Variants in TRMU observed in about 807,000 individuals in gnomAD.
The protein encoded by TRMU is tRNA mitochondrial 2-thiouridylase, also known as mitochondrial tRNA-specific 2-thiouridylase 1.
In TRMU, 49 loss-of-function variants were observed where a neutral mutation model predicts 46.9. That is an observed-to-expected ratio of 1.05 (90% confidence interval 0.83 to 1.33). The LOEUF (loss-of-function observed/expected upper bound fraction) is 1.33. TRMU is among the 40% of genes most tolerant of loss of function. The pLI is 0.00. For synonymous variants in TRMU, 241 were observed against 200.9 expected, an observed-to-expected ratio of 1.20 and a Z score of -1.69; for missense variants, 572 against 532.4, an observed-to-expected ratio of 1.07 and a Z score of -0.73.
chr22:46,337,246 G>C (rs1380922730), intron 1 of TRMU, among the ~76,000 whole-genome samples: 1 of 152,170 alleles, frequency 6.6e-6, no homozygotes, highest in African/African-American at 2.4e-5. Context: ...TGCTAAGGTG[G>C]TGTAGGGCTA....
rs2078050519 is a variant in TRMU, at chr22:46,338,946, CTTTG to C, written c.248+1006_248+1009del. 6.6e-6 allele frequency among the ~76,000 whole-genome samples: 1 copy of C among 152,034 alleles called. No homozygotes were observed. The highest frequency in any genetic ancestry group is 2.4e-5 in the African/African-American group (1 of 41,368). The stretch of plus-strand genomic sequence containing the variant: ...ATATGACCTTGGGCAATTTACTTGA[CTTTG>C]TTTTTTTAATTGAAAAAAATTCTCT... On this transcript the variant is annotated intron_variant, in intron 2 of 10. Coordinates refer to ENST00000645190, the MANE Select transcript of TRMU (RefSeq NM_018006.5). This position sits in a 1 kb window ranked among gnomAD's most constrained non-coding sequence, Gnocchi z 4.5.
chr22:46,344,195 G>C (rs2078194237), intron 3 of TRMU, among the ~76,000 whole-genome samples: 1 of 152,150 alleles, frequency 6.6e-6, no homozygotes, highest in Admixed American at 6.5e-5. Context: ...TCTGCCATTG[G>C]TTGCAGAAAA....
rs914223120 is a variant in TRMU at position 46,355,121 on chromosome 22, A to G, written c.874-323A>G. 40 of 475,152 alleles carry G rather than the reference A, an allele frequency of 8.4e-5. 1 individual carries two copies. The South Asian group carries it at 9.3e-4, about 11-fold the overall frequency. 29.4% of individuals were successfully genotyped at this position (475,152 alleles called of 1,614,324 possible). A position where few individuals can be genotyped will look rare whatever the true frequency, so the allele number is the denominator to read the frequency against. On this transcript the variant is annotated intron_variant, in intron 8 of 10. Transcript: ENST00000645190. ...TCGAGGGGGGCCGTGCTGCTGCCCCACAGGTGGTTGCAGGTAGAGGGCCTG... is the reference window on the plus strand; with the variant it reads ...TCGAGGGGGGCCGTGCTGCTGCCCCGCAGGTGGTTGCAGGTAGAGGGCCTG...
chr22:46,337,764 C>T lies in TRMU; in HGVS notation c.83-15C>T, dbSNP rs1006432829. 9 of 1,614,062 alleles carry T rather than the reference C, an allele frequency of 5.6e-6. No homozygotes were observed. The highest frequency in any genetic ancestry group is 1.3e-5 in the African/African-American group (1 of 74,920). ...TGATTTATGTATTCTCTTTAATTGA[C>T]CTTCCCGCCCGCAGGTTACCAGGTG... On this transcript the variant is annotated splice_polypyrimidine_tract_variant and intron_variant, in intron 1 of 10. Coordinates refer to ENST00000645190, the MANE Select transcript of TRMU (RefSeq NM_018006.5).
Position 46,350,610 on chromosome 22 carries a change from G to A in TRMU, c.651+147G>A. 1.0e-6 allele frequency: 1 copy of A among 983,934 alleles called. No individual in the cohort carries two copies. Among genetic ancestry groups the A allele is most frequent in the Non-Finnish European group, 1.6e-6 (1 of 637,026 alleles). 61.0% of individuals were successfully genotyped at this position (983,934 alleles called of 1,614,324 possible). On this transcript the variant is annotated intron_variant, in intron 5 of 10. Coordinates refer to ENST00000645190, the MANE Select transcript of TRMU (RefSeq NM_018006.5). This position sits in a 1 kb window ranked among gnomAD's most constrained non-coding sequence, Gnocchi z 4.6. ...GGGCCTTGGAGCAATAGATGGAGGA[G>A]TTTGCTGAGGCGCACGGTACAGGGC...
rs2078626456 is a variant in TRMU at position 46,356,856 on chromosome 22, C to T, written c.1116C>T (p.Tyr372=). 6.2e-7 allele frequency: 1 copy of T among 1,613,210 alleles called. No homozygotes were observed. Among genetic ancestry groups the T allele is most frequent in the Non-Finnish European group, 8.5e-7 (1 of 1,179,912 alleles). Residue 372 remains tyrosine (Y), a synonymous_variant, in exon 11 of 11, where the codon TAC becomes TAT. Coordinates refer to ENST00000645190, the MANE Select transcript of TRMU (RefSeq NM_018006.5). ...ALATGQFAVF[Y]KGDECLGSGK... ...CTCCCCTACAGTTTGCTGTGTTCTA[C>T]AAGGGGGACGAGTGCCTGGGCAGCG...
rs997800497 is a variant in TRMU, at chr22:46,342,441, C to G, written c.249-821C>G. On this transcript the variant is annotated intron_variant, in intron 2 of 10. Transcript: ENST00000645190. The surrounding 1 kb of genome is among the most constrained non-coding windows in gnomAD (Gnocchi z 4.7). ...GTAGCTGTGCAGAAGCTCTCTGAAC[C>G]CAGTACTCCTGGGTTTTTATGGAGG... is the stretch of plus-strand genomic sequence containing the variant. 6.6e-6 allele frequency among the ~76,000 whole-genome samples: 1 copy of G among 152,166 alleles called. No individual in the cohort carries two copies. The highest frequency in any genetic ancestry group is 1.5e-5 in the Non-Finnish European group (1 of 68,026).
Position 46,342,758 on chromosome 22 carries a change from G to GACCA in TRMU, c.249-503_249-500dup. 6.6e-6 allele frequency among the ~76,000 whole-genome samples: 1 copy of GACCA among 152,378 alleles called. No individual in the cohort carries two copies. The highest frequency in any genetic ancestry group is 1.5e-5 in the Non-Finnish European group (1 of 68,040). The stretch of plus-strand genomic sequence containing the variant: ...AGATCACTTGAGGCCAGGAGTTGGA[G>GACCA]ACCAGCCTGGCCAACATGGTGAAAC... On this transcript the variant is annotated intron_variant, in intron 2 of 10. Transcript: ENST00000645190. This position sits in a 1 kb window ranked among gnomAD's most constrained non-coding sequence, Gnocchi z 4.7.
At position 46,357,228 on chromosome 22, in the gene TRMU, G is replaced by A; in HGVS notation, c.*222G>A. ...GGAGCATCTGCTGGCTGGTGGGGTG[G>A]CCCGAGTTCCCCTTCACCGCCCCCA... is the stretch of plus-strand genomic sequence containing the variant. On this transcript the variant is annotated 3_prime_UTR_variant, in exon 11 of 11. Coordinates refer to ENST00000645190, the MANE Select transcript of TRMU (RefSeq NM_018006.5). 1.6e-6 allele frequency: 1 copy of A among 640,104 alleles called. No individual in the cohort carries two copies. Among genetic ancestry groups the A allele is most frequent in the Non-Finnish European group, 2.7e-6 (1 of 372,492 alleles). The allele number at this position is 640,104 out of a possible 1,614,324, so 39.7% of individuals were successfully genotyped here.
rs867540353 is a variant in TRMU, at chr22:46,336,508, G to A, written c.82+662G>A. The A allele has an allele frequency of 6.6e-6, 1 of 152,428 alleles. No individual in the cohort carries two copies. Among genetic ancestry groups the A allele is most frequent in the Non-Finnish European group, 1.5e-5 (1 of 68,200 alleles). The allele number at this position is 152,428 out of a possible 1,614,324, so 9.4% of individuals were successfully genotyped here. On this transcript the variant is annotated intron_variant, in intron 1 of 10. Coordinates refer to ENST00000645190, the MANE Select transcript of TRMU (RefSeq NM_018006.5). The surrounding 1 kb of genome is among the most constrained non-coding windows in gnomAD (Gnocchi z 4.1). Reference sequence around the variant, plus strand: ...CGGGAGGCCTCATTCACAGAGTCACGTTTGTGGAGCTCTGCTTTGCGCCAT... The same window carrying A: ...CGGGAGGCCTCATTCACAGAGTCACATTTGTGGAGCTCTGCTTTGCGCCAT...
chr22:46,355,875 T>G, intron 9 of TRMU, 115 bp from the exon 10 acceptor site: 1 of 1,234,802 alleles, frequency 8.1e-7, no homozygotes, highest in South Asian at 1.3e-5. Context: ...GCCCTGCCCT[T>G]CCCCTCTAAG....
At position 46,343,391 on chromosome 22, in the gene TRMU, ATTT is replaced by A; in HGVS notation, c.355+32_355+34del. 9 of 1,286,814 alleles carry A rather than the reference ATTT, an allele frequency of 7.0e-6. No individual in the cohort carries two copies. In the South Asian group the frequency reaches 1.3e-4, roughly 18 times the overall value. 79.7% of individuals were successfully genotyped at this position (1,286,814 alleles called of 1,614,324 possible). A position where few individuals can be genotyped will look rare whatever the true frequency, so the allele number is the denominator to read the frequency against. On this transcript the variant is annotated intron_variant, in intron 3 of 10. Coordinates refer to ENST00000645190, the MANE Select transcript of TRMU (RefSeq NM_018006.5). ...TTGGTAAGTAATTTGGGTTTAAAAC[ATTT>A]TTTTTTTTAAAGACAGGGTCTCGCT...
Position 46,349,553 on chromosome 22 carries a change from C to G in TRMU, c.479-738C>G, listed in dbSNP as rs2078351019. Among the ~76,000 whole-genome samples, 1 of 152,204 alleles carries G rather than the reference C, an allele frequency of 6.6e-6. No homozygotes were observed. Among genetic ancestry groups the G allele is most frequent in the South Asian group, 2.1e-4 (1 of 4,834 alleles). On this transcript the variant is annotated intron_variant, in intron 4 of 10. Transcript: ENST00000645190. This position sits in a 1 kb window ranked among gnomAD's most constrained non-coding sequence, Gnocchi z 4.6. Reference sequence around the variant, plus strand: ...GTTTATGAGAAAGATTGAAAGAAGCCAGAAAACTGACGTTCGTCTTAGTTT... The same window carrying G: ...GTTTATGAGAAAGATTGAAAGAAGCGAGAAAACTGACGTTCGTCTTAGTTT...
chr22:46,352,098 C>A, intron 5 of TRMU, 23 bp from the exon 6 acceptor site: 1 of 1,612,184 alleles, frequency 6.2e-7, no homozygotes, highest in African/African-American at 1.3e-5. Flanking sequence ...GCTCCTCTCA[C>A]GGCTGCCGTC....
At chr22:46,354,074 G>T in intron 8 of TRMU, 1 of 541,072 alleles carries the variant, frequency 1.8e-6, no homozygotes, top group East Asian at 3.3e-5. Flanking sequence ...TGAGTTGTAT[G>T]CTGGTCTCTT....
rs939530675 is a variant in TRMU, at chr22:46,347,031, G to A, written c.478+487G>A. ...GCCGTATTTACACGTTAGTTTATGC[G>A]TGTTAGGGAGCCAAGTTTCACCTTT... is the stretch of plus-strand genomic sequence containing the variant. On this transcript the variant is annotated intron_variant, in intron 4 of 10. Coordinates refer to ENST00000645190, the MANE Select transcript of TRMU (RefSeq NM_018006.5). This position sits in a 1 kb window ranked among gnomAD's most constrained non-coding sequence, Gnocchi z 5.0. Among the ~76,000 whole-genome samples, 18 of 152,256 alleles carry A rather than the reference G, an allele frequency of 1.2e-4. No homozygotes were observed. The highest frequency in any genetic ancestry group is 2.4e-4 in the Non-Finnish European group (16 of 68,052).
chr22:46,349,981 T>G lies in TRMU; in HGVS notation c.479-310T>G, dbSNP rs1356820632. Among the ~76,000 whole-genome samples, 1 of 122,292 alleles carries G rather than the reference T, an allele frequency of 8.2e-6. No individual in the cohort carries two copies. Among genetic ancestry groups the G allele is most frequent in the African/African-American group, 5.0e-5 (1 of 19,944 alleles). The allele number at this position is 122,292 out of a possible 152,430, so 80.2% of individuals were successfully genotyped here. Reference sequence around the variant, plus strand: ...GATTTGGCTGAATTTATTTTAGGTGTTTTTTTTTTTTTTTCTTATCACTTG... The same window carrying G: ...GATTTGGCTGAATTTATTTTAGGTGGTTTTTTTTTTTTTTCTTATCACTTG... On this transcript the variant is annotated intron_variant, in intron 4 of 10. Transcript: ENST00000645190. This position sits in a 1 kb window ranked among gnomAD's most constrained non-coding sequence, Gnocchi z 4.6.
rs548136484 is a variant in TRMU, at chr22:46,351,666, G to A, written c.652-455G>A. On this transcript the variant is annotated intron_variant, in intron 5 of 10. Coordinates refer to ENST00000645190, the MANE Select transcript of TRMU (RefSeq NM_018006.5). This position sits in a 1 kb window ranked among gnomAD's most constrained non-coding sequence, Gnocchi z 6.4. ...GATGGGGCCACGGTGGAGAGCGCAC[G>A]CCACCCAGGCTCCCCAGCTAGGGCA... 16 of 288,096 alleles carry A rather than the reference G, an allele frequency of 5.6e-5. No individual in the cohort carries two copies. The East Asian group carries it at 1.1e-3, about 20-fold the overall frequency. 17.8% of individuals were successfully genotyped at this position (288,096 alleles called of 1,614,324 possible).
chr22:46,339,824 T>C lies in TRMU; in HGVS notation c.248+1880T>C, dbSNP rs554367510. On this transcript the variant is annotated intron_variant, in intron 2 of 10. Coordinates refer to ENST00000645190, the MANE Select transcript of TRMU (RefSeq NM_018006.5). This position sits in a 1 kb window ranked among gnomAD's most constrained non-coding sequence, Gnocchi z 4.8. ...TAACAACATGGACAAAACTGATGGC[T>C]GAATTTTCCTGGGGAAAGTTACCTG... Among the ~76,000 whole-genome samples, 3 of 152,298 alleles carry C rather than the reference T, an allele frequency of 2.0e-5. No individual in the cohort carries two copies. Among genetic ancestry groups the C allele is most frequent in the Admixed American group, 2.0e-4 (3 of 15,302 alleles).
Sources: allele counts gnomAD v4.1 joint callset (sites outside exome capture counted in the v4.1 genomes callset), GRCh38; gene constraint gnomAD v4.1.1; non-coding constraint Gnocchi (gnomAD v3.1); transcripts MANE v1.5; gene names NCBI Gene and HGNC (gene_info 2026-07-23, HGNC 2026-07-21).